TMCO4: variants seen among roughly 807,000 people sequenced by gnomAD.
The protein encoded by TMCO4 is transmembrane and coiled-coil domains 4, also known as transmembrane and coiled-coil domain-containing protein 4.
TMCO4 carries 58 observed loss-of-function variants against 64.7 expected under a neutral mutation model. The observed-to-expected ratio is 0.90, with a 90% CI of 0.73 to 1.12. The LOEUF is 1.12. TMCO4 is among the 50% of genes most tolerant of loss of function. TMCO4 has a pLI of 0.00. For synonymous variants in TMCO4, 325 were observed against 346.1 expected (o/e 0.94, Z 0.68); for missense variants, 780 against 825.9 (o/e 0.94, Z 0.68).
chr1:19,746,908 A>T (rs1162425748), intron 8 of TMCO4, among the ~76,000 whole-genome samples: 7 of 141,626 alleles, frequency 4.9e-5, no homozygotes, highest in African/African-American at 1.9e-4. Flanking sequence ...TGGGCGACAG[A>T]GCAAGATACT....
intron 13 of TMCO4, among the ~76,000 whole-genome samples, chr1:19,707,036 AAAC>A (rs2095306331): frequency 6.6e-6 from 1 of 152,192 alleles, no homozygotes; most frequent in East Asian, 1.9e-4. Flanking sequence ...TTGTGCTTAA[AAAC>A]CTCCCAGGGG....
chr1:19,775,260 C>T (rs188527684), intron 4 of TMCO4, among the ~76,000 whole-genome samples: 4 of 152,262 alleles, frequency 2.6e-5, no homozygotes, highest in East Asian at 1.9e-4. Context: ...GACAAGGTTT[C>T]GCCATGAGAT....
chr1:19,703,917 G>C (rs566923269), intron 13 of TMCO4, among the ~76,000 whole-genome samples: 2 of 152,314 alleles, frequency 1.3e-5, no homozygotes, highest in Admixed American at 1.3e-4. Context: ...GCTGGGAAAT[G>C]TTCCCGGCTG....
chr1:19,722,903 C>T (rs1003945607), intron 13 of TMCO4, among the ~76,000 whole-genome samples: 2 of 152,114 alleles, frequency 1.3e-5, no homozygotes, highest in Non-Finnish European at 2.9e-5. Context: ...TCTCTCTGCC[C>T]ACCTTCTTCC....
chr1:19,739,855 T>A lies in TMCO4; in HGVS notation c.1148A>T (p.His383Leu), dbSNP rs2095471063. Residue 383 changes from histidine (H) to leucine (L), a missense_variant, in exon 12 of 16, where the codon CAC becomes CTC. Coordinates refer to ENST00000294543, the MANE Select transcript of TMCO4 (RefSeq NM_181719.7). ...CCGGGAGAGCAGGATGTGGGCCAGGTGCTTGCCAACCTCTGCTGATCGATG... is the reference window on the plus strand; with the variant it reads ...CCGGGAGAGCAGGATGTGGGCCAGGAGCTTGCCAACCTCTGCTGATCGATG... ...CLHRSAEVGK[H>L]LAHILLSRQQ... 1 of 1,613,680 alleles carries A rather than the reference T, an allele frequency of 6.2e-7. No homozygotes were observed. Among genetic ancestry groups the A allele is most frequent in the South Asian group, 1.1e-5 (1 of 91,028 alleles).
chr1:19,716,381 C>CTTTTTT (rs1262772167), intron 13 of TMCO4, among the ~76,000 whole-genome samples: 13 of 124,470 alleles, frequency 1.0e-4, no homozygotes, highest in South Asian at 2.6e-4. Context: ...TTTTTTCTTT[C>CTTTTTT]TTTTTTTTTT....
At chr1:19,686,135 A>G (rs530787058) in intron 15 of TMCO4, among the ~76,000 whole-genome samples, 43 of 152,308 alleles carry the variant, frequency 2.8e-4, no homozygotes, top group African/African-American at 1.0e-3. Context: ...AAGCCCAGAG[A>G]GGGGTGGCGG....
At chr1:19,736,317 C>T (rs984000556) in intron 13 of TMCO4, among the ~76,000 whole-genome samples, 7 of 152,144 alleles carry the variant, frequency 4.6e-5, no homozygotes, top group African/African-American at 1.2e-4. Context: ...AACCCACCCC[C>T]CTGATTCAAT....
chr1:19,693,807 C>T (rs892581325), intron 15 of TMCO4, among the ~76,000 whole-genome samples: 15 of 152,290 alleles, frequency 9.8e-5, no homozygotes, highest in Admixed American at 3.9e-4. Context: ...AGCCCTCCAC[C>T]TGTGTCCCCT....
Position 19,694,416 on chromosome 1 carries a change from G to A in TMCO4, c.1500+18C>T. 1 of 1,607,824 alleles carries A rather than the reference G, an allele frequency of 6.2e-7. No homozygotes were observed. The highest frequency in any genetic ancestry group is 8.5e-7 in the Non-Finnish European group (1 of 1,175,076). On this transcript the variant is annotated intron_variant, in intron 15 of 15. Coordinates refer to ENST00000294543, the MANE Select transcript of TMCO4 (RefSeq NM_181719.7). ...CTAAGCAAACGCAAAGCCCCAGGAG[G>A]AACAGGCCGACACTCACCACAGAGG...
chr1:19,777,182 A>G (rs2043246987), intron 4 of TMCO4, among the ~76,000 whole-genome samples: 1 of 152,182 alleles, frequency 6.6e-6, no homozygotes, highest in Non-Finnish European at 1.5e-5. Flanking sequence ...ATTTTGGGAA[A>G]GATGTCCTCC....
At chr1:19,725,334 C>A (rs2100760510) in intron 13 of TMCO4, among the ~76,000 whole-genome samples, 1 of 152,326 alleles carries the variant, frequency 6.6e-6, no homozygotes, top group South Asian at 2.1e-4. Flanking sequence ...CCTTCAAAGC[C>A]TTTTGGATGC....
chr1:19,755,770 G>C lies in TMCO4; in HGVS notation c.383-4C>G, dbSNP rs372631695. 6.2e-7 allele frequency: 1 copy of C among 1,613,872 alleles called. No individual in the cohort carries two copies. The highest frequency in any genetic ancestry group is 8.5e-7 in the Non-Finnish European group (1 of 1,179,964). ...CTGGCCCGGGCGTCATAGTGCCCTC[G>C]AAAGACAGAAACAACACCGGAAAAG... On this transcript the variant is annotated splice_region_variant and splice_polypyrimidine_tract_variant and intron_variant, in intron 6 of 15. Coordinates refer to ENST00000294543, the MANE Select transcript of TMCO4 (RefSeq NM_181719.7).
intron 7 of TMCO4, among the ~76,000 whole-genome samples, chr1:19,752,491 T>C (rs1216007162): frequency 2.0e-5 from 3 of 152,204 alleles, no homozygotes; most frequent in Admixed American, 2.0e-4. Context: ...TTACTCTCTG[T>C]CATCTTATCT....
intron 4 of TMCO4, among the ~76,000 whole-genome samples, chr1:19,772,087 A>G (rs982564118): frequency 1.3e-5 from 2 of 152,146 alleles, no homozygotes; most frequent in Non-Finnish European, 2.9e-5. Context: ...AGGGGCGACG[A>G]ATAAAGGTGA....
rs1479607481 is a variant in TMCO4 at position 19,693,179 on chromosome 1, A to C, written c.1500+1255T>G. ...GACCCCATCTCAAAAAAAAAAAAAA[A>C]AAAAAAAAAAAAAAAAAAAAAGGCC... On this transcript the variant is annotated intron_variant, in intron 15 of 15. Coordinates refer to ENST00000294543, the MANE Select transcript of TMCO4 (RefSeq NM_181719.7). Among the ~76,000 whole-genome samples, 887 of 127,820 alleles carry C rather than the reference A, an allele frequency of 6.9e-3. 41 individuals carry two copies. Among genetic ancestry groups the C allele is most frequent in the African/African-American group, 0.025 (814 of 32,322 alleles). 83.9% of individuals were successfully genotyped at this position (127,820 alleles called of 152,430 possible).
chr1:19,737,696 C>T (rs980281393), intron 12 of TMCO4, among the ~76,000 whole-genome samples: 1 of 152,248 alleles, frequency 6.6e-6, no homozygotes, highest in East Asian at 1.9e-4. Context: ...AGGCAGCCCC[C>T]GGCTGGGTTA....
At chr1:19,731,219 C>G (rs1489090386) in intron 13 of TMCO4, among the ~76,000 whole-genome samples, 1 of 152,112 alleles carries the variant, frequency 6.6e-6, no homozygotes, top group Non-Finnish European at 1.5e-5. Flanking sequence ...GAGGTTCTGA[C>G]CCTGTGGGAG....
chr1:19,755,917 G>A, intron 6 of TMCO4, 151 bp from the exon 7 acceptor site: 1 of 885,668 alleles, frequency 1.1e-6, no homozygotes, highest in Non-Finnish European at 1.7e-6. Flanking sequence ...ACAGTTGCCT[G>A]GACAGAATAC....
Sources: allele counts gnomAD v4.1 joint callset (sites outside exome capture counted in the v4.1 genomes callset), GRCh38; gene constraint gnomAD v4.1.1; transcripts MANE v1.5; gene names NCBI Gene and HGNC (gene_info 2026-07-23, HGNC 2026-07-21).